PPP2R1B: variants seen among roughly 807,000 people sequenced by gnomAD.
The protein encoded by PPP2R1B is serine/threonine-protein phosphatase 2A 65 kDa regulatory subunit A beta isoform.
PPP2R1B carries 58 observed loss-of-function variants against 72.7 expected under a neutral mutation model. That is an observed-to-expected ratio of 0.80 (90% CI 0.65 to 0.99). PPP2R1B has a LOEUF of 0.99. Among genes scored for constraint, PPP2R1B ranks in the 50% least tolerant of loss-of-function variants. The pLI, the probability that PPP2R1B is intolerant of heterozygous loss-of-function variation, is 0.00. For missense variants in PPP2R1B, 695 were observed against 733.6 expected (o/e 0.95, Z 0.61); for synonymous variants, 256 against 264.6 (o/e 0.97, Z 0.32).
chr11:111,733,296 C>T (rs1046356439), downstream of PPP2R1B, among the ~76,000 whole-genome samples: 2 of 152,136 alleles, frequency 1.3e-5, no homozygotes, highest in Non-Finnish European at 2.9e-5. Flanking sequence ...AAAGCATGAG[C>T]TGGGCTGAGC....
chr11:111,738,160 A>T lies in PPP2R1B; in HGVS notation c.*3436T>A. 2 of 986,870 alleles carry T rather than the reference A, an allele frequency of 2.0e-6. No individual in the cohort carries two copies. Among genetic ancestry groups the T allele is most frequent in the South Asian group, 9.4e-5 (2 of 21,382 alleles). 61.1% of individuals were successfully genotyped at this position (986,870 alleles called of 1,614,324 possible). A position where few individuals can be genotyped will look rare whatever the true frequency, so the allele number is the denominator to read the frequency against. On this transcript the variant is annotated 3_prime_UTR_variant, in exon 15 of 15. Transcript: ENST00000527614. ...TGGAGAATCAAAGGGAAACAGTTACATCACATCAGACTGCAGTCACCTCAG... is the reference window on the plus strand; with the variant it reads ...TGGAGAATCAAAGGGAAACAGTTACTTCACATCAGACTGCAGTCACCTCAG...
Position 111,738,077 on chromosome 11 carries a change from G to GA in PPP2R1B, c.*3518dup, listed in dbSNP as rs1489747142. The GA allele has an allele frequency of 1.0e-6, 1 of 991,558 alleles. No individual in the cohort carries two copies. Among genetic ancestry groups the GA allele is most frequent in the Non-Finnish European group, 1.2e-6 (1 of 833,036 alleles). 61.4% of individuals were successfully genotyped at this position (991,558 alleles called of 1,614,324 possible). A position where few individuals can be genotyped will look rare whatever the true frequency, so the allele number is the denominator to read the frequency against. ...TATTCTAGGTACAGAGGACTGGAGGGAGACATGCGAGGGAAGAGGAAAGAG... is the reference window on the plus strand; with the variant it reads ...TATTCTAGGTACAGAGGACTGGAGGGAAGACATGCGAGGGAAGAGGAAAGAG... On this transcript the variant is annotated 3_prime_UTR_variant, in exon 15 of 15. Transcript: ENST00000527614.
At chr11:111,689,163 G>C in the PPP2R1B span, among the ~76,000 whole-genome samples, 1 of 152,148 alleles carries the variant, frequency 6.6e-6, no homozygotes, top group Non-Finnish European at 1.5e-5. Context: ...AAAATCTGTA[G>C]GCATGCAGGA....
chr11:111,723,146 C>T (rs1015164319), downstream of PPP2R1B, among the ~76,000 whole-genome samples: 2 of 152,174 alleles, frequency 1.3e-5, no homozygotes, highest in African/African-American at 2.4e-5. Context: ...TAGACCTACC[C>T]TAATCAATCC....
chr11:111,754,973 CCTT>C lies in PPP2R1B; in HGVS notation c.958+4_958+6del, dbSNP rs782360445. On this transcript the variant is annotated splice_donor_5th_base_variant and intron_variant, in intron 7 of 14. Coordinates refer to ENST00000527614, the MANE Select transcript of PPP2R1B (RefSeq NM_002716.5). Reference sequence around the variant, plus strand: ...CACATGTTCCAACATAAATTGAACTCCTTAACCTTTTACTTTGTGGGCAGCAGC... The same window carrying C: ...CACATGTTCCAACATAAATTGAACTCAACCTTTTACTTTGTGGGCAGCAGC... 2 of 1,593,942 alleles carry C rather than the reference CCTT, an allele frequency of 1.3e-6. No individual in the cohort carries two copies. Among genetic ancestry groups the C allele is most frequent in the African/African-American group, 2.7e-5 (2 of 74,266 alleles).
In PPP2R1B at chr11:111,738,680, G is replaced by T. The variant is rs180676544; in HGVS notation, c.*2916C>A. ...CAGCCCGTTATTTCAACAAGACCTC[G>T]TTAGAAACCACATATTCACCTGCCT... On this transcript the variant is annotated 3_prime_UTR_variant, in exon 15 of 15. Transcript: ENST00000527614. The T allele has an allele frequency of 8.1e-6, 8 of 985,402 alleles. No individual in the cohort carries two copies. In the East Asian group the frequency reaches 6.8e-4, roughly 84 times the overall value. The allele number at this position is 985,402 out of a possible 1,614,324, so 61.0% of individuals were successfully genotyped here. A position where few individuals can be genotyped will look rare whatever the true frequency, so the allele number is the denominator to read the frequency against.
At chr11:111,750,584 A>C (rs1248466872) in intron 10 of PPP2R1B, among the ~76,000 whole-genome samples, 1 of 152,206 alleles carries the variant, frequency 6.6e-6, no homozygotes, top group Non-Finnish European at 1.5e-5. Context: ...CTCTCCAACT[A>C]GACTGTAACA....
chr11:111,698,263 G>A, the PPP2R1B span, among the ~76,000 whole-genome samples: 1 of 152,180 alleles, frequency 6.6e-6, no homozygotes, highest in African/African-American at 2.4e-5. Flanking sequence ...GGCTACCACG[G>A]GTCCAGAGAA....
the PPP2R1B span, chr11:111,721,173 G>A: frequency 1.5e-6 from 2 of 1,330,580 alleles, no homozygotes; most frequent in South Asian, 1.5e-5. Flanking sequence ...GAGCAAACAG[G>A]CTGTTTGGGA....
chr11:111,711,304 G>A, the PPP2R1B span, among the ~76,000 whole-genome samples: 6 of 151,982 alleles, frequency 3.9e-5, no homozygotes, highest in African/African-American at 1.5e-4. Context: ...TGTATTTTTA[G>A]TAGAGACGGG....
intron 11 of PPP2R1B, among the ~76,000 whole-genome samples, chr11:111,746,885 G>A (rs778282087): frequency 2.0e-5 from 3 of 152,058 alleles, no homozygotes; most frequent in Non-Finnish European, 2.9e-5. Flanking sequence ...ACATATATAA[G>A]CCCTTATACA....
In PPP2R1B at chr11:111,741,108, A is replaced by G. The variant is rs1351466323; in HGVS notation, c.*488T>C. ...CATAATTCAGGAAAATGTGGCTTTC[A>G]TTACGGTCAAATCTCAACATGTCTC... On this transcript the variant is annotated 3_prime_UTR_variant, in exon 15 of 15. Transcript: ENST00000527614. The G allele has an allele frequency of 1.0e-6, 1 of 987,776 alleles. No homozygotes were observed. Among genetic ancestry groups the G allele is most frequent in the East Asian group, 1.1e-4 (1 of 8,852 alleles). 61.2% of individuals were successfully genotyped at this position (987,776 alleles called of 1,614,324 possible).
the PPP2R1B span, among the ~76,000 whole-genome samples, chr11:111,699,692 T>C: frequency 6.6e-6 from 1 of 152,232 alleles, no homozygotes; most frequent in Non-Finnish European, 1.5e-5. Context: ...GAGAATGCTT[T>C]GCCTAAGGTG....
intron 11 of PPP2R1B, among the ~76,000 whole-genome samples, chr11:111,744,721 T>C (rs867208529): frequency 5.9e-5 from 9 of 152,144 alleles, no homozygotes; most frequent in Middle Eastern, 3.2e-3. Context: ...ACAGTCCCAG[T>C]CCTAGGCAAT....
chr11:111,705,057 A>T, the PPP2R1B span: 1 of 1,611,460 alleles, frequency 6.2e-7, no homozygotes, highest in Non-Finnish European at 8.5e-7. The surrounding 1 kb of genome is among the most constrained non-coding windows in gnomAD (Gnocchi z 4.3). Context: ...CTGAAATCAC[A>T]TCGGAGCAGT....
At chr11:111,717,444 A>C in the PPP2R1B span, among the ~76,000 whole-genome samples, 1 of 152,130 alleles carries the variant, frequency 6.6e-6, no homozygotes, top group Admixed American at 6.5e-5. Flanking sequence ...CAACAACAAC[A>C]GATACTGGCC....
downstream of PPP2R1B, chr11:111,726,517 G>A (rs1943972101): frequency 6.2e-6 from 1 of 161,028 alleles, no homozygotes; most frequent in Admixed American, 5.9e-5. Context: ...GCTCCTATTT[G>A]CTTATCTTGT....
the PPP2R1B span, among the ~76,000 whole-genome samples, chr11:111,704,452 G>A: frequency 6.6e-6 from 1 of 152,142 alleles, no homozygotes; most frequent in Non-Finnish European, 1.5e-5. Context: ...AAAACAAGAG[G>A]AAAAAATTAC....
intron 9 of PPP2R1B, among the ~76,000 whole-genome samples, chr11:111,752,576 A>C (rs913603398): frequency 2.0e-5 from 3 of 152,256 alleles, no homozygotes. Context: ...TAAAGAGCAT[A>C]ATCTCTGGAA....
Sources: allele counts gnomAD v4.1 joint callset (sites outside exome capture counted in the v4.1 genomes callset), GRCh38; gene constraint gnomAD v4.1.1; non-coding constraint Gnocchi (gnomAD v3.1); transcripts MANE v1.5; gene names NCBI Gene and HGNC (gene_info 2026-07-23, HGNC 2026-07-21).